Variants in SYN3 observed in about 807,000 individuals in gnomAD.
SYN3 encodes the protein synapsin III.
SYN3 carries 35 observed loss-of-function variants against 65.8 expected under a neutral mutation model. The observed-to-expected ratio is 0.53, with a 90% CI of 0.41 to 0.70. The LOEUF is 0.70. SYN3 is among the 30% of genes least tolerant of loss of function. SYN3 has a pLI of 0.00. For synonymous variants in SYN3, 270 were observed against 292.9 expected (o/e 0.92, Z 0.80); for missense variants, 680 against 749.0 (o/e 0.91, Z 1.08).
At chr22:32,656,002 T>A (rs1309765587) in intron 6 of SYN3, among the ~76,000 whole-genome samples, 2 of 152,136 alleles carry the variant, frequency 1.3e-5, no homozygotes, top group Admixed American at 6.5e-5. Flanking sequence ...AGTTACCCAC[T>A]CTACTTGTAA....
intron 4 of SYN3, among the ~76,000 whole-genome samples, chr22:32,882,338 T>G (rs1034776601): frequency 6.6e-6 from 1 of 152,200 alleles, no homozygotes; most frequent in African/African-American, 2.4e-5. Context: ...CTGTCATCAG[T>G]GCAGGGAAGG....
At chr22:32,619,746 G>A (rs926433939) in intron 6 of SYN3, among the ~76,000 whole-genome samples, 1 of 152,180 alleles carries the variant, frequency 6.6e-6, no homozygotes, top group Non-Finnish European at 1.5e-5. Flanking sequence ...CTGGCCTTGA[G>A]ACTTTCTTTG....
At chr22:32,627,921 C>T (rs1253507297) in intron 6 of SYN3, among the ~76,000 whole-genome samples, 3 of 152,168 alleles carry the variant, frequency 2.0e-5, no homozygotes, top group Non-Finnish European at 2.9e-5. Context: ...CTCCGCCTCC[C>T]GGGTTCAAGT....
chr22:33,007,573 C>T (rs531704424), intron 1 of SYN3, among the ~76,000 whole-genome samples: 28 of 152,200 alleles, frequency 1.8e-4, no homozygotes, highest in African/African-American at 6.3e-4. Context: ...AAGTACAGCC[C>T]TTATAAGAAA....
intron 6 of SYN3, among the ~76,000 whole-genome samples, chr22:32,839,848 C>G (rs2047842563): frequency 6.6e-6 from 1 of 152,092 alleles, no homozygotes; most frequent in Non-Finnish European, 1.5e-5. Context: ...CTTCCTAAGC[C>G]TGTGTTTCCT....
At chr22:32,910,439 T>G (rs1022613308) in intron 4 of SYN3, among the ~76,000 whole-genome samples, 24 of 151,734 alleles carry the variant, frequency 1.6e-4, no homozygotes, top group Admixed American at 1.4e-3. Context: ...ATCTGTAGAA[T>G]TCCCCCCTGC....
chr22:32,981,137 G>A (rs1301892911), intron 2 of SYN3, among the ~76,000 whole-genome samples: 1 of 151,232 alleles, frequency 6.6e-6, no homozygotes, highest in Non-Finnish European at 1.5e-5. Flanking sequence ...TTACAGGCGT[G>A]AGCCACCGCG....
chr22:32,513,563 A>C lies in SYN3; in HGVS notation c.*129T>G. Reference sequence around the variant, plus strand: ...ATATAGATAATCGGTTCCTGGGTCAAAGGCATTTAGAAAGTATGTTCTCAG... The same window carrying C: ...ATATAGATAATCGGTTCCTGGGTCACAGGCATTTAGAAAGTATGTTCTCAG... On this transcript the variant is annotated 3_prime_UTR_variant, in exon 14 of 14. Transcript: ENST00000358763. 1 of 1,237,314 alleles carries C rather than the reference A, an allele frequency of 8.1e-7. No homozygotes were observed. The highest frequency in any genetic ancestry group is 1.1e-6 in the Non-Finnish European group (1 of 894,256). The allele number at this position is 1,237,314 out of a possible 1,614,324, so 76.6% of individuals were successfully genotyped here.
At position 32,509,433 on chromosome 22, in the gene SYN3, A is replaced by G. The variant is rs568853039; in HGVS notation, c.*4259T>C. Reference sequence around the variant, plus strand: ...CCCTTTCCCATTTCAAAATGTCACAATTATTAAAGGTTACATGTTTGGAAG... The same window carrying G: ...CCCTTTCCCATTTCAAAATGTCACAGTTATTAAAGGTTACATGTTTGGAAG... On this transcript the variant is annotated 3_prime_UTR_variant, in exon 14 of 14. Coordinates refer to ENST00000358763, the MANE Select transcript of SYN3 (RefSeq NM_003490.4). 3.3e-5 allele frequency among the ~76,000 whole-genome samples: 5 copies of G among 152,228 alleles called. No individual in the cohort carries two copies. The South Asian group carries it at 8.3e-4, about 25-fold the overall frequency.
At chr22:33,005,710 G>T (rs1200651851) in intron 2 of SYN3, among the ~76,000 whole-genome samples, 1 of 152,178 alleles carries the variant, frequency 6.6e-6, no homozygotes, top group Non-Finnish European at 1.5e-5. Context: ...GCCAGTACCT[G>T]GGAGAGCTGA....
chr22:32,602,496 T>C (rs1175776086), intron 6 of SYN3, among the ~76,000 whole-genome samples: 4 of 152,218 alleles, frequency 2.6e-5, no homozygotes, highest in Non-Finnish European at 5.9e-5. Flanking sequence ...AGAGTCTTGC[T>C]CTGTTGCCAG....
rs568669441 is a variant in SYN3, at chr22:32,508,605, ATCT to A, written c.*5084_*5086del. ...TTTTGAGGTTGAAAACCTGCCATTG[ATCT>A]TCTTCCGCTTCTTTTCTCTATCTCA... On this transcript the variant is annotated 3_prime_UTR_variant, in exon 14 of 14. Transcript: ENST00000358763. Among the ~76,000 whole-genome samples, 315 of 151,988 alleles carry A rather than the reference ATCT, an allele frequency of 2.1e-3. 2 individuals carry two copies. The highest frequency in any genetic ancestry group is 3.9e-3 in the Non-Finnish European group (264 of 67,964).
chr22:32,716,927 T>C (rs2061047332), intron 6 of SYN3, among the ~76,000 whole-genome samples: 1 of 152,182 alleles, frequency 6.6e-6, no homozygotes, highest in Non-Finnish European at 1.5e-5. Context: ...CTCAGATTGC[T>C]GTACAACCAT....
chr22:32,856,932 T>C (rs930260260), intron 6 of SYN3, among the ~76,000 whole-genome samples: 1 of 152,200 alleles, frequency 6.6e-6, no homozygotes, highest in African/African-American at 2.4e-5. Context: ...GTGCCTGGCT[T>C]ATTCCGCTTA....
intron 9 of SYN3, 32 bp downstream of exon 9, chr22:32,538,004 G>A: frequency 6.2e-7 from 1 of 1,602,360 alleles, no homozygotes; most frequent in Non-Finnish European, 8.5e-7. Context: ...ACTATGGCCA[G>A]TGCCTCTCCC....
At chr22:32,739,174 A>AGGGGG (rs201178182) in intron 6 of SYN3, among the ~76,000 whole-genome samples, 4 of 146,128 alleles carry the variant, frequency 2.7e-5, no homozygotes, top group Non-Finnish European at 4.5e-5. Flanking sequence ...ATTGAATCAC[A>AGGGGG]GGGGGGGGGC....
chr22:32,544,466 C>A (rs1338401959), intron 7 of SYN3, among the ~76,000 whole-genome samples: 1 of 152,226 alleles, frequency 6.6e-6, no homozygotes, highest in African/African-American at 2.4e-5. Context: ...TTACTCCCTA[C>A]CATTCTCCTG....
At chr22:32,788,019 G>A (rs2145864689) in intron 6 of SYN3, among the ~76,000 whole-genome samples, 1 of 152,304 alleles carries the variant, frequency 6.6e-6, no homozygotes, top group East Asian at 1.9e-4. Flanking sequence ...CAGGGGCAAT[G>A]CCACGCTGGG....
At chr22:32,856,649 G>A (rs1005752155) in intron 6 of SYN3, among the ~76,000 whole-genome samples, 12 of 152,086 alleles carry the variant, frequency 7.9e-5, no homozygotes, top group African/African-American at 2.2e-4. Context: ...AACATTTATC[G>A]TTTCTTCATG....
Sources: allele counts gnomAD v4.1 joint callset (sites outside exome capture counted in the v4.1 genomes callset), GRCh38; gene constraint gnomAD v4.1.1; transcripts MANE v1.5; gene names NCBI Gene and HGNC (gene_info 2026-07-23, HGNC 2026-07-21).